Variants in TECPR2 observed in about 807,000 individuals in gnomAD.
TECPR2 encodes tectonin beta-propeller repeat containing 2, also known as tectonin beta-propeller repeat-containing protein 2.
A neutral mutation model predicts 138.1 loss-of-function variants in TECPR2; 65 were observed. That is an observed-to-expected ratio of 0.47 (90% CI 0.39 to 0.58). The LOEUF (loss-of-function observed/expected upper bound fraction) is 0.58, where lower values mean the gene tolerates loss of function less well. Ranked by LOEUF, TECPR2 falls within the 20% of genes least tolerant of loss-of-function variation. TECPR2 has a pLI of 0.00. For missense variants in TECPR2, 1,553 were observed against 1,824.5 expected (o/e 0.85, Z 2.71); for synonymous variants, 746 against 749.8 (o/e 0.99, Z 0.08).
At chr14:102,382,240 C>A (rs1567317000) in intron 2 of TECPR2, among the ~76,000 whole-genome samples, 1 of 151,820 alleles carries the variant, frequency 6.6e-6, no homozygotes, top group Non-Finnish European at 1.5e-5. Flanking sequence ...TTGCAGTGAG[C>A]CAAGATCGCG....
chr14:102,452,777 T>G, intron 16 of TECPR2, 150 bp downstream of exon 16: 1 of 653,236 alleles, frequency 1.5e-6, no homozygotes, highest in Non-Finnish European at 2.7e-6. Context: ...AGGAGCTCAG[T>G]TGGCCACTCT....
chr14:102,434,454 C>T lies in TECPR2; in HGVS notation c.1637C>T (p.Thr546Met), dbSNP rs867129030. The T allele has an allele frequency of 1.0e-5, 16 of 1,540,094 alleles. No individual in the cohort carries two copies. Among genetic ancestry groups the T allele is most frequent in the African/African-American group, 5.5e-5 (4 of 72,460 alleles). ...CCACAGGAAAATACTGACCCCGAAACGTTTAATGTCCTGGAGGTGTCAGGA... is the reference window on the plus strand; with the variant it reads ...CCACAGGAAAATACTGACCCCGAAATGTTTAATGTCCTGGAGGTGTCAGGA... ...GVPQENTDPE[T>M]FNVLEVSGSM... is the part of the protein sequence containing the mutation. The change falls in exon 9 of 20, where the codon ACG (threonine) becomes ATG (methionine). Residue 546 changes from threonine (T) to methionine (M), a missense_variant. Transcript: ENST00000359520.
At chr14:102,481,210 G>A (rs933209926) in intron 17 of TECPR2, among the ~76,000 whole-genome samples, 1 of 151,522 alleles carries the variant, frequency 6.6e-6, no homozygotes, top group Non-Finnish European at 1.5e-5. Flanking sequence ...CTCCATGTTG[G>A]CCAGGCTGGT....
At chr14:102,408,057 T>G (rs922720306) in intron 3 of TECPR2, among the ~76,000 whole-genome samples, 1 of 151,736 alleles carries the variant, frequency 6.6e-6, no homozygotes, top group African/African-American at 2.4e-5. Flanking sequence ...TAGTCCCAGC[T>G]ACTCGGGAGG....
At chr14:102,481,327 T>G (rs1294546511) in intron 17 of TECPR2, among the ~76,000 whole-genome samples, 1 of 152,110 alleles carries the variant, frequency 6.6e-6, no homozygotes, top group Non-Finnish European at 1.5e-5. Flanking sequence ...TTTTGTATTT[T>G]TAGTAGAGAT....
intron 2 of TECPR2, among the ~76,000 whole-genome samples, chr14:102,382,506 A>G (rs966949093): frequency 6.6e-6 from 1 of 152,258 alleles, no homozygotes; most frequent in Non-Finnish European, 1.5e-5. Context: ...TAATAGAAGT[A>G]GTAGACAGAA....
In TECPR2 at chr14:102,434,399, A is replaced by G. The variant is rs1889595913; in HGVS notation, c.1582A>G (p.Ser528Gly). ...AAGTGCAGAGTCTCCAGACCAGGAA[A>G]GCAGCTTCAATGGTGAAGTGAACGG... ...QLSAESPDQESSFNGEVNGVP... is the reference protein window; with the variant it reads ...QLSAESPDQEGSFNGEVNGVP... Residue 528 changes from serine (S) to glycine (G), a missense_variant, in exon 9 of 20, where the codon AGC (serine) becomes GGC (glycine). Transcript: ENST00000359520. The G allele has an allele frequency of 2.6e-6, 4 of 1,529,538 alleles. No individual in the cohort carries two copies. Among genetic ancestry groups the G allele is most frequent in the Non-Finnish European group, 2.6e-6 (3 of 1,139,858 alleles). The allele number at this position is 1,529,538 out of a possible 1,614,324, so 94.7% of individuals were successfully genotyped here. A position where few individuals can be genotyped will look rare whatever the true frequency, so the allele number is the denominator to read the frequency against.
At chr14:102,384,044 T>A (rs1887917957) in intron 2 of TECPR2, among the ~76,000 whole-genome samples, 1 of 151,310 alleles carries the variant, frequency 6.6e-6, no homozygotes. Context: ...CTCAATCTCC[T>A]GAGTAGCTGG....
Position 102,437,814 on chromosome 14 carries a change from T to C in TECPR2, c.2395-208T>C, listed in dbSNP as rs115192165. ...ATCCAGGGACTCCAGGGAGTCTTTG[T>C]AGGGAGACAGCAGCACGCGTCTCAG... On this transcript the variant is annotated intron_variant, in intron 9 of 19. Coordinates refer to ENST00000359520, the MANE Select transcript of TECPR2 (RefSeq NM_014844.5). Among the ~76,000 whole-genome samples the C allele has an allele frequency of 0.01, 1,586 of 152,216 alleles. 30 individuals are homozygous for C. Among genetic ancestry groups the C allele is most frequent in the African/African-American group, 0.036 (1,507 of 41,530 alleles).
At chr14:102,369,170 A>G (rs1222241541) in intron 1 of TECPR2, among the ~76,000 whole-genome samples, 1 of 152,034 alleles carries the variant, frequency 6.6e-6, no homozygotes, top group African/African-American at 2.4e-5. Flanking sequence ...AAATAAACAT[A>G]TTATCTGAGT....
chr14:102,435,544 A>G (rs1386967226), intron 9 of TECPR2, among the ~76,000 whole-genome samples: 1 of 152,196 alleles, frequency 6.6e-6, no homozygotes, highest in African/African-American at 2.4e-5. Flanking sequence ...GCCTGGGGCC[A>G]TCTCAGAAAA....
intron 5 of TECPR2, among the ~76,000 whole-genome samples, chr14:102,422,301 A>G (rs1010057201): frequency 6.6e-6 from 1 of 152,258 alleles, no homozygotes; most frequent in African/African-American, 2.4e-5. Flanking sequence ...AATGTCATTG[A>G]TAGGTTCTTG....
intron 17 of TECPR2, among the ~76,000 whole-genome samples, chr14:102,485,422 A>T (rs1489345121): frequency 6.6e-6 from 1 of 151,976 alleles, no homozygotes; most frequent in East Asian, 1.9e-4. Context: ...CCATTTAAAC[A>T]TCTATTGTTT....
rs1243292166 is a variant in TECPR2, at chr14:102,499,082, C to G, written c.*825C>G. The G allele has an allele frequency of 1.4e-6, 1 of 702,814 alleles. No homozygotes were observed. The highest frequency in any genetic ancestry group is 2.6e-6 in the Non-Finnish European group (1 of 384,942). The allele number at this position is 702,814 out of a possible 1,614,324, so 43.5% of individuals were successfully genotyped here. A position where few individuals can be genotyped will look rare whatever the true frequency, so the allele number is the denominator to read the frequency against. On this transcript the variant is annotated 3_prime_UTR_variant, in exon 20 of 20. Transcript: ENST00000359520. ...ACTGCCCACACACGGCGCAGGCTGCCCGCCTCCTGGAGAGCACACTTCAGC... is the reference window on the plus strand; with the variant it reads ...ACTGCCCACACACGGCGCAGGCTGCGCGCCTCCTGGAGAGCACACTTCAGC...
chr14:102,414,909 G>A (rs2139703188), intron 5 of TECPR2, 116 bp downstream of exon 5: 7 of 1,312,764 alleles, frequency 5.3e-6, no homozygotes, highest in South Asian at 1.4e-5. Context: ...AACCCACAGC[G>A]CCTCTAAGCC....
chr14:102,434,446 C>T lies in TECPR2; in HGVS notation c.1629C>T (p.Asp543=), dbSNP rs2139730664. The T allele has an allele frequency of 1.9e-6, 3 of 1,538,894 alleles. No homozygotes were observed. In the South Asian group the frequency reaches 3.8e-5, roughly 20 times the overall value. ...EVNGVPQENT[D]PETFNVLEVS... ...ACGGTGTCCCACAGGAAAATACTGA[C>T]CCCGAAACGTTTAATGTCCTGGAGG... The change falls in exon 9 of 20, where the codon GAC becomes GAT. Residue 543 remains aspartate (D), a synonymous_variant. Coordinates refer to ENST00000359520, the MANE Select transcript of TECPR2 (RefSeq NM_014844.5).
chr14:102,462,138 A>C (rs1890425803), intron 16 of TECPR2, among the ~76,000 whole-genome samples: 1 of 152,180 alleles, frequency 6.6e-6, no homozygotes, highest in Non-Finnish European at 1.5e-5. Context: ...CAACTCTGAG[A>C]TGCTGGCCTG....
chr14:102,369,807 A>G (rs1887450782), intron 1 of TECPR2, among the ~76,000 whole-genome samples: 1 of 151,782 alleles, frequency 6.6e-6, no homozygotes, highest in South Asian at 2.1e-4. Context: ...AAAAACAAAA[A>G]ATTAGCCAGG....
chr14:102,382,137 C>T (rs1186147090), intron 2 of TECPR2, among the ~76,000 whole-genome samples: 1 of 151,962 alleles, frequency 6.6e-6, no homozygotes, highest in Non-Finnish European at 1.5e-5. Context: ...ACTAAAAATA[C>T]AAAAAATGAG....
Sources: gnomAD v4.1 joint callset for allele counts (sites outside exome capture counted in the v4.1 genomes callset) on GRCh38, gnomAD v4.1.1 for gene constraint, MANE v1.5 for transcripts, NCBI Gene and HGNC (gene_info 2026-07-23, HGNC 2026-07-21) for gene names.